Variants in RGS20 observed in about 807,000 individuals in gnomAD.
RGS20 encodes the protein regulator of G protein signaling 20.
In RGS20, 30 loss-of-function variants were observed where a neutral mutation model predicts 33.6. The ratio of observed to expected loss-of-function variants is 0.89; its 90% CI spans 0.67 to 1.21. RGS20 has a LOEUF of 1.21. Among genes scored for constraint, RGS20 ranks in the 50% most tolerant of loss-of-function variants. RGS20 has a pLI of 0.00. For synonymous variants in RGS20, 208 were observed against 197.9 expected, an observed-to-expected ratio of 1.05 and a Z score of -0.43; for missense variants, 472 against 502.4, an observed-to-expected ratio of 0.94 and a Z score of 0.58.
chr8:53,867,831 T>A (rs1012870104), intron 1 of RGS20, among the ~76,000 whole-genome samples: 8 of 152,126 alleles, frequency 5.3e-5, no homozygotes, highest in African/African-American at 1.9e-4. Flanking sequence ...CAGGTGATTC[T>A]CCTATCTCAG....
At chr8:53,899,269 G>C (rs533301451) in intron 2 of RGS20, among the ~76,000 whole-genome samples, 1 of 152,176 alleles carries the variant, frequency 6.6e-6, no homozygotes. Flanking sequence ...TCAGGTTTAA[G>C]TCACAGAATC....
intron 1 of RGS20, chr8:53,879,155 C>T: frequency 2.2e-6 from 2 of 904,834 alleles, no homozygotes; most frequent in Non-Finnish European, 3.5e-6. Context: ...TTCTCTTGCA[C>T]CCCCAAAGTA....
chr8:53,867,705 T>TCC lies in RGS20; in HGVS notation c.166-11553_166-11552insCC, dbSNP rs71254925. Among the ~76,000 whole-genome samples the TCC allele has an allele frequency of 2.3e-3, 352 of 150,890 alleles. 2 individuals are homozygous for TCC. The highest frequency in any genetic ancestry group is 8.3e-3 in the African/African-American group (338 of 40,924). ...TTCCTTCCTTCCTTCCTTCCTTCCTTTCTTTGTTTCTTTCCTTCTTTCTTT... is the reference window on the plus strand; with the variant it reads ...TTCCTTCCTTCCTTCCTTCCTTCCTTCCTCTTTGTTTCTTTCCTTCTTTCTTT... On this transcript the variant is annotated intron_variant, in intron 1 of 5. Transcript: ENST00000297313.
At chr8:53,889,723 CTGTG>C (rs66766851) in intron 2 of RGS20, among the ~76,000 whole-genome samples, 16,612 of 145,400 alleles carry the variant, frequency 0.11, 967 homozygotes, top group African/African-American at 0.14. Context: ...TGTCAAAATT[CTGTG>C]TGTGTGTGTG....
At chr8:53,940,398 A>G (rs939745896) in intron 3 of RGS20, among the ~76,000 whole-genome samples, 1 of 152,226 alleles carries the variant, frequency 6.6e-6, no homozygotes, top group Admixed American at 6.5e-5. Context: ...TTGGATATGA[A>G]AAGTGCTTAG....
intron 1 of RGS20, among the ~76,000 whole-genome samples, chr8:53,872,518 T>C (rs2129271813): frequency 6.6e-6 from 1 of 152,312 alleles, no homozygotes; most frequent in South Asian, 2.1e-4. Context: ...CAGTACCTCA[T>C]ACACAGGAGA....
At chr8:53,895,499 T>A (rs1020159112) in intron 2 of RGS20, among the ~76,000 whole-genome samples, 1 of 152,190 alleles carries the variant, frequency 6.6e-6, no homozygotes, top group African/African-American at 2.4e-5. Flanking sequence ...TACTTTAGAA[T>A]CTGCGCTTCC....
intron 5 of RGS20, among the ~76,000 whole-genome samples, chr8:53,957,782 G>A (rs557725613): frequency 1.4e-4 from 22 of 152,322 alleles, no homozygotes; most frequent in African/African-American, 4.8e-4. Context: ...TGAGAACTGC[G>A]TTGATTATGC....
intron 2 of RGS20, among the ~76,000 whole-genome samples, chr8:53,909,493 C>T (rs182193410): frequency 7.4e-4 from 112 of 151,728 alleles, no homozygotes; most frequent in Admixed American, 2.0e-3. Flanking sequence ...TGAAGTGATC[C>T]GCCCATGGCC....
rs74304175 is a variant in RGS20 at position 53,922,302 on chromosome 8, T to C, written c.511-17274T>C. On this transcript the variant is annotated intron_variant, in intron 2 of 5. Coordinates refer to ENST00000297313, the MANE Select transcript of RGS20 (RefSeq NM_170587.4). ...CATTTTGTGTTTAATAGTATTTTAT[T>C]TGCTATTATTAGAGCCATTCCAGCT... 5.3e-5 allele frequency among the ~76,000 whole-genome samples: 8 copies of C among 152,332 alleles called. No individual in the cohort carries two copies. The East Asian group carries it at 1.5e-3, about 29-fold the overall frequency.
At chr8:53,956,560 G>A (rs1563441980) in intron 5 of RGS20, among the ~76,000 whole-genome samples, 1 of 152,120 alleles carries the variant, frequency 6.6e-6, no homozygotes, top group Non-Finnish European at 1.5e-5. Context: ...TCGGATTTGA[G>A]GCAAACCCCA....
chr8:53,885,626 G>T (rs904990422), intron 2 of RGS20, among the ~76,000 whole-genome samples: 1 of 151,558 alleles, frequency 6.6e-6, no homozygotes, highest in Non-Finnish European at 1.5e-5. Flanking sequence ...AAAAAAAAAT[G>T]AATTATACGG....
At chr8:53,874,170 C>A (rs1341879866) in intron 1 of RGS20, among the ~76,000 whole-genome samples, 1 of 152,204 alleles carries the variant, frequency 6.6e-6, no homozygotes, top group South Asian at 2.1e-4. Flanking sequence ...CAAAGCAAGA[C>A]TCCGTCTCAG....
At chr8:53,861,086 A>G (rs1029183489) in intron 1 of RGS20, among the ~76,000 whole-genome samples, 4 of 152,214 alleles carry the variant, frequency 2.6e-5, no homozygotes, top group African/African-American at 9.7e-5. Context: ...GGGATTCCAA[A>G]ATCAACGATG....
At chr8:53,888,887 G>A (rs763402630) in intron 2 of RGS20, among the ~76,000 whole-genome samples, 5 of 152,164 alleles carry the variant, frequency 3.3e-5, no homozygotes, top group East Asian at 1.9e-4. Flanking sequence ...GTTGTTGTAC[G>A]TGTTGTTATT....
chr8:53,862,570 C>A (rs1811833322), intron 1 of RGS20, among the ~76,000 whole-genome samples: 1 of 152,158 alleles, frequency 6.6e-6, no homozygotes, highest in African/African-American at 2.4e-5. Flanking sequence ...CCCTGTAATG[C>A]CAGCACTTTA....
At chr8:53,931,850 A>G (rs1306010399) in intron 2 of RGS20, among the ~76,000 whole-genome samples, 2 of 152,114 alleles carry the variant, frequency 1.3e-5, no homozygotes, top group Non-Finnish European at 2.9e-5. Context: ...ACTGTGCCAT[A>G]AGGGACAGAG....
intron 1 of RGS20, chr8:53,852,074 T>G: frequency 6.2e-7 from 1 of 1,603,988 alleles, no homozygotes; most frequent in Non-Finnish European, 8.5e-7. Flanking sequence ...GGTAAGGTGA[T>G]TTCCACAATC....
Position 53,935,941 on chromosome 8 carries a change from A to C in RGS20, c.511-3635A>C, listed in dbSNP as rs150239039. On this transcript the variant is annotated intron_variant, in intron 2 of 5. Coordinates refer to ENST00000297313, the MANE Select transcript of RGS20 (RefSeq NM_170587.4). ...CATCCCTGGGATGCAAGGCTGGTTC[A>C]ACATATGCAAATCAATAAACATAAT... Among the ~76,000 whole-genome samples the C allele has an allele frequency of 5.1e-3, 781 of 152,356 alleles. 6 individuals carry two copies. The highest frequency in any genetic ancestry group is 0.018 in the African/African-American group (751 of 41,586).
Sources: allele counts gnomAD v4.1 joint callset (sites outside exome capture counted in the v4.1 genomes callset), GRCh38; gene constraint gnomAD v4.1.1; transcripts MANE v1.5; gene names NCBI Gene and HGNC (gene_info 2026-07-23, HGNC 2026-07-21).